LIPE: variants seen among roughly 807,000 people sequenced by gnomAD.
LIPE encodes the protein lipase E, hormone sensitive type.
LIPE carries 66 observed loss-of-function variants against 88.5 expected under a neutral mutation model. That is an observed-to-expected ratio of 0.75 (90% CI 0.61 to 0.91). LIPE has a LOEUF of 0.91. LIPE is among the 40% of genes least tolerant of loss of function. The pLI, the probability that LIPE is intolerant of heterozygous loss-of-function variation, is 0.00. For missense variants in LIPE, 1,346 were observed against 1,434.7 expected (o/e 0.94, Z 1.00); for synonymous variants, 570 against 617.5 (o/e 0.92, Z 1.14).
At chr19:42,404,988 A>G (rs770675378) in intron 8 of LIPE, among the ~76,000 whole-genome samples, 20 of 152,074 alleles carry the variant, frequency 1.3e-4, no homozygotes, top group Non-Finnish European at 2.6e-4. Context: ...CTCATGCTTC[A>G]GCCTCTCTGG....
intron 8 of LIPE, among the ~76,000 whole-genome samples, chr19:42,403,243 G>GTA: frequency 2.2e-5 from 1 of 44,730 alleles, no homozygotes; most frequent in African/African-American, 1.6e-4. Context: ...AGTGAAGGAT[G>GTA]TGTGTGTGTG....
chr19:42,404,521 G>A (rs530846258), intron 8 of LIPE, among the ~76,000 whole-genome samples: 43 of 152,174 alleles, frequency 2.8e-4, no homozygotes, highest in African/African-American at 5.8e-4. Context: ...GAGCCATTGC[G>A]CCTGGCCCAT....
intron 1 of LIPE, chr19:42,424,686 A>C (rs1293215402): frequency 2.2e-6 from 1 of 454,240 alleles, no homozygotes; most frequent in Non-Finnish European, 4.4e-6. Flanking sequence ...CCAGGGCCTC[A>C]CAGATACCCT....
intron 1 of LIPE, chr19:42,412,511 G>A (rs370178685): frequency 4.1e-6 from 4 of 985,836 alleles, no homozygotes; most frequent in East Asian, 2.3e-4. Flanking sequence ...AGAAAGATCA[G>A]TGAGGACCAC....
At chr19:42,405,852 T>TG in intron 7 of LIPE, 1 of 536,404 alleles carries the variant, frequency 1.9e-6, no homozygotes, top group East Asian at 3.1e-5. Context: ...TCCAGCTACT[T>TG]GGGAAGCTGA....
rs35838874 is a variant in LIPE, at chr19:42,423,560, G to A, written c.883+2707C>T. 11,041 of 1,235,500 alleles carry A rather than the reference G, an allele frequency of 8.9e-3. 713 individuals carry two copies. The African/African-American group carries it at 0.15, about 17-fold the overall frequency. The allele number at this position is 1,235,500 out of a possible 1,614,324, so 76.5% of individuals were successfully genotyped here. A position where few individuals can be genotyped will look rare whatever the true frequency, so the allele number is the denominator to read the frequency against. On this transcript the variant is annotated intron_variant, in intron 1 of 9. Transcript: ENST00000244289. ...ATCAATTCCCCGCGGTCCTCCCGCG[G>A]GGGCCAATTCCAGCCGCGAGGCCCT...
In LIPE at chr19:42,410,638, T is replaced by C. The variant is rs535549240; in HGVS notation, c.1088A>G (p.Asp363Gly). The C allele has an allele frequency of 6.2e-7, 1 of 1,613,116 alleles. No individual in the cohort carries two copies. Among genetic ancestry groups the C allele is most frequent in the East Asian group, 2.2e-5 (1 of 44,858 alleles). ...GTTGGCCGGTGTCTCTGGGTCCAGG[T>C]CAAAGAGGTGCGCCACACCCAGCAG... The part of the protein sequence containing the change: ...GRLLGVAHLF[D>G]LDPETPANGY... Residue 363 changes from aspartate to glycine, a missense_variant, in exon 2 of 10, where the codon GAC becomes GGC. Coordinates refer to ENST00000244289, the MANE Select transcript of LIPE (RefSeq NM_005357.4). This position sits in a 1 kb window ranked among gnomAD's most constrained non-coding sequence, Gnocchi z 6.1.
At position 42,408,334 on chromosome 19, in the gene LIPE, C is replaced by T. The variant is rs775687416; in HGVS notation, c.1420-12G>A. On this transcript the variant is annotated splice_polypyrimidine_tract_variant and intron_variant, in intron 2 of 9. Coordinates refer to ENST00000244289, the MANE Select transcript of LIPE (RefSeq NM_005357.4). This position sits in a 1 kb window ranked among gnomAD's most constrained non-coding sequence, Gnocchi z 4.3. ...ATGGCAGGCGTGAACTGTGGAGAGA[C>T]GCGGCTGCGTCACCCACCGCTCAAG... is the stretch of plus-strand genomic sequence containing the variant. The T allele has an allele frequency of 6.8e-5, 109 of 1,610,970 alleles. 1 individual carries two copies. Among genetic ancestry groups the T allele is most frequent in the Non-Finnish European group, 8.8e-5 (104 of 1,177,448 alleles).
chr19:42,419,839 A>T (rs2040561510), intron 1 of LIPE, among the ~76,000 whole-genome samples: 1 of 151,890 alleles, frequency 6.6e-6, no homozygotes, highest in Admixed American at 6.6e-5. Context: ...TGCATAAAAG[A>T]GCAAACGTTG....
rs1212703759 is a variant in LIPE at position 42,407,279 on chromosome 19, T to C, written c.2032A>G (p.Ile678Val). Residue 678 changes from isoleucine (I) to valine (V), a missense_variant, in exon 6 of 10, where the codon ATC becomes GTC. Transcript: ENST00000244289. This position sits in a 1 kb window ranked among gnomAD's most constrained non-coding sequence, Gnocchi z 5.8. ...KSWAQELGAP[I>V]ISIDYSLAPE... ...GCCAGGGAGTAGTCGATGGAGATGA[T>C]GGGGGCGCCCAGCTCCTGGGCCCAG... 6 of 1,607,594 alleles carry C rather than the reference T, an allele frequency of 3.7e-6. No homozygotes were observed. Among genetic ancestry groups the C allele is most frequent in the Non-Finnish European group, 4.2e-6 (5 of 1,177,328 alleles).
rs201837845 is a variant in LIPE at position 42,425,616 on chromosome 19, A to G, written c.883+651T>C. Among the ~76,000 whole-genome samples the G allele has an allele frequency of 2.6e-5, 4 of 152,124 alleles. No individual in the cohort carries two copies. The East Asian group carries it at 7.7e-4, about 29-fold the overall frequency. ...TGCTTGGGGCCAGGAGTTCGAGACC[A>G]GCCTGGGCAACATAGCGAGGCCACG... On this transcript the variant is annotated intron_variant, in intron 1 of 9. Transcript: ENST00000244289.
At chr19:42,423,656 CTCTG>C in intron 1 of LIPE, 1 of 1,166,680 alleles carries the variant, frequency 8.6e-7, no homozygotes, top group Admixed American at 4.2e-5. Flanking sequence ...GCTTGCTCTT[CTCTG>C]GGTCCAGCTC....
chr19:42,424,394 C>T (rs1201101638), intron 1 of LIPE: 1 of 456,386 alleles, frequency 2.2e-6, no homozygotes, highest in Non-Finnish European at 4.4e-6. Flanking sequence ...ACACAGCCAA[C>T]TGCTTCTGGA....
intron 8 of LIPE, among the ~76,000 whole-genome samples, chr19:42,403,236 G>T (rs1349233787): frequency 2.1e-5 from 3 of 143,766 alleles, no homozygotes; most frequent in Non-Finnish European, 4.6e-5. Context: ...GTGTTCTAGT[G>T]AAGGATGTGT....
chr19:42,424,247 G>T, intron 1 of LIPE: 1 of 597,394 alleles, frequency 1.7e-6, no homozygotes, highest in Non-Finnish European at 2.8e-6. Flanking sequence ...CTGCGCACTA[G>T]CTTCAGGCCG....
chr19:42,424,524 T>C (rs2040671897), intron 1 of LIPE: 1 of 456,316 alleles, frequency 2.2e-6, no homozygotes, highest in Non-Finnish European at 4.4e-6. Flanking sequence ...CAGGCCTCAA[T>C]CCCTGCCTTT....
At position 42,406,114 on chromosome 19, in the gene LIPE, C is replaced by A; in HGVS notation, c.2365+47G>T. The A allele has an allele frequency of 6.6e-7, 1 of 1,517,414 alleles. No individual in the cohort carries two copies. The highest frequency in any genetic ancestry group is 1.2e-5 in the South Asian group (1 of 83,916). 94.0% of individuals were successfully genotyped at this position (1,517,414 alleles called of 1,614,324 possible). On this transcript the variant is annotated intron_variant, in intron 7 of 9. Coordinates refer to ENST00000244289, the MANE Select transcript of LIPE (RefSeq NM_005357.4). The surrounding 1 kb of genome is among the most constrained non-coding windows in gnomAD (Gnocchi z 5.7). Reference sequence around the variant, plus strand: ...GTCCCCAGCCCGTCCCTGCAGGAGTCAGACATCCATGCAGTCCTGTTTCCC... The same window carrying A: ...GTCCCCAGCCCGTCCCTGCAGGAGTAAGACATCCATGCAGTCCTGTTTCCC...
In LIPE at chr19:42,426,822, C is replaced by T. The variant is rs746055107; in HGVS notation, c.328G>A (p.Glu110Lys). 6.8e-6 allele frequency: 11 copies of T among 1,614,002 alleles called. No homozygotes were observed. The highest frequency in any genetic ancestry group is 8.5e-6 in the Non-Finnish European group (10 of 1,180,034). The change falls in exon 1 of 10, where the codon GAA becomes AAA. Residue 110 changes from glutamate (E) to lysine (K), a missense_variant. Transcript: ENST00000244289. Reference protein sequence around the residue: ...YIQRVLLTQQEAASQQGPGLG... With the variant: ...YIQRVLLTQQKAASQQGPGLG... ...CCAGGTCCCTGCTGGGAGGCAGCTT[C>T]CTGTTGAGTGAGCAGCACCCTTTGG...
rs112310363 is a variant in LIPE, at chr19:42,407,974, A to C, written c.1656+2T>G. The C allele has an allele frequency of 6.2e-7, 1 of 1,611,156 alleles. No individual in the cohort carries two copies. Among genetic ancestry groups the C allele is most frequent in the Non-Finnish European group, 8.5e-7 (1 of 1,179,268 alleles). ...GTGTCCCCATCTGCAACAGGCCCTC[A>C]CCGATAGCACTTCCATCTCGGTGAT... On this transcript the variant is annotated splice_donor_variant, in intron 4 of 9. Transcript: ENST00000244289. LOFTEE classifies it high-confidence loss of function. The surrounding 1 kb of genome is among the most constrained non-coding windows in gnomAD (Gnocchi z 5.8).
Sources: gnomAD v4.1 joint callset for allele counts (sites outside exome capture counted in the v4.1 genomes callset) on GRCh38, gnomAD v4.1.1 for gene constraint, Gnocchi (gnomAD v3.1) non-coding constraint, MANE v1.5 for transcripts, NCBI Gene and HGNC (gene_info 2026-07-23, HGNC 2026-07-21) for gene names.